GORASP2: variants seen among roughly 807,000 people sequenced by gnomAD.
GORASP2 encodes the protein Golgi reassembly-stacking protein 2.
GORASP2 carries 22 observed loss-of-function variants against 45.7 expected under a neutral mutation model. The ratio of observed to expected loss-of-function variants is 0.48; its 90% CI spans 0.34 to 0.69. The LOEUF (loss-of-function observed/expected upper bound fraction) is 0.69. GORASP2 is among the 30% of genes least tolerant of loss of function. The pLI is 0.01. For synonymous variants in GORASP2, 221 were observed against 215.6 expected (o/e 1.02, Z -0.22); for missense variants, 491 against 562.7 (o/e 0.87, Z 1.29).
At chr2:170,945,038 G>A (rs1021947562) in intron 1 of GORASP2, among the ~76,000 whole-genome samples, 2 of 152,052 alleles carry the variant, frequency 1.3e-5, no homozygotes, top group African/African-American at 4.8e-5. Context: ...CACTTTTCTT[G>A]TGACTCCAGG....
chr2:170,952,921 C>T (rs1704332570), intron 5 of GORASP2, among the ~76,000 whole-genome samples: 1 of 152,198 alleles, frequency 6.6e-6, no homozygotes, highest in Non-Finnish European at 1.5e-5. Context: ...AGCAATCTTC[C>T]CACCTTGGCC....
At chr2:170,934,791 G>A (rs1189620867) in intron 1 of GORASP2, among the ~76,000 whole-genome samples, 2 of 151,934 alleles carry the variant, frequency 1.3e-5, no homozygotes. Context: ...CGGCTGGAGT[G>A]CAGTTGTGCA....
chr2:170,948,688 A>G (rs1704231375), intron 2 of GORASP2: 1 of 240,646 alleles, frequency 4.2e-6, no homozygotes, highest in Non-Finnish European at 7.8e-6. Flanking sequence ...AAGCAGAAAG[A>G]AATAATTAAG....
chr2:170,936,759 G>T (rs562066345), intron 1 of GORASP2: 6 of 604,274 alleles, frequency 9.9e-6, no homozygotes, highest in South Asian at 1.5e-5. Flanking sequence ...TTAAGACCAC[G>T]CTGGGCAACA....
Position 170,962,890 on chromosome 2 carries a change from A to G in GORASP2, c.962A>G (p.Asn321Ser), listed in dbSNP as rs544491938. 5 of 1,613,382 alleles carry G rather than the reference A, an allele frequency of 3.1e-6. No individual in the cohort carries two copies. Among genetic ancestry groups the G allele is most frequent in the South Asian group, 2.2e-5 (2 of 91,012 alleles). Reference protein sequence around the residue: ...GLPNLPNLNLNLPAPHIMPGV... With the variant: ...GLPNLPNLNLSLPAPHIMPGV... Reference sequence around the variant, plus strand: ...CCCAACCTCCCCAACCTCAACCTCAACCTCCCAGCACCACACATCATGCCA... The same window carrying G: ...CCCAACCTCCCCAACCTCAACCTCAGCCTCCCAGCACCACACATCATGCCA... Residue 321 changes from asparagine to serine, a missense_variant, in exon 9 of 10, where the codon AAC (asparagine) becomes AGC (serine). Asn to Ser is a conservative substitution (Grantham distance 46). This residue lies in a region of GORASP2 where 297 missense variants were observed against 292.3 expected (regional missense o/e 1.02). Transcript: ENST00000234160.
Position 170,942,419 on chromosome 2 carries a change from C to G in GORASP2, c.64-5931C>G, listed in dbSNP as rs1000250333. Among the ~76,000 whole-genome samples, 41 of 152,148 alleles carry G rather than the reference C, an allele frequency of 2.7e-4. 1 individual carries two copies. ...ACAACCCCTCATAACAACTAATCTG[C>G]TTTCTGTCTCTATGGATTTGTCTAT... On this transcript the variant is annotated intron_variant, in intron 1 of 9. Transcript: ENST00000234160.
rs1367027696 is a variant in GORASP2, at chr2:170,954,565, G to T, written c.567-85G>T. ...AGGGCAACTTGAATCTATGCTCTTG[G>T]GTTACCCGCCCCCCCCAAAAAAAAC... On this transcript the variant is annotated intron_variant, in intron 5 of 9. Transcript: ENST00000234160. The T allele has an allele frequency of 6.3e-6, 7 of 1,119,098 alleles. No homozygotes were observed. In the East Asian group the frequency reaches 1.5e-4, roughly 24 times the overall value. The allele number at this position is 1,119,098 out of a possible 1,614,324, so 69.3% of individuals were successfully genotyped here. A position where few individuals can be genotyped will look rare whatever the true frequency, so the allele number is the denominator to read the frequency against.
At position 170,963,523 on chromosome 2, in the gene GORASP2, A is replaced by G. The variant is rs558934281; in HGVS notation, c.1018+577A>G. Among the ~76,000 whole-genome samples, 457 of 110,332 alleles carry G rather than the reference A, an allele frequency of 4.1e-3. 6 individuals carry two copies. The highest frequency in any genetic ancestry group is 0.015 in the African/African-American group (429 of 28,422). The allele number at this position is 110,332 out of a possible 152,430, so 72.4% of individuals were successfully genotyped here. A position where few individuals can be genotyped will look rare whatever the true frequency, so the allele number is the denominator to read the frequency against. On this transcript the variant is annotated intron_variant, in intron 9 of 9. Coordinates refer to ENST00000234160, the MANE Select transcript of GORASP2 (RefSeq NM_015530.5). ...CCCCGCCCCAGAGTAGCAGTAAAGC[A>G]CAGTGGAGTGGCCCTGCTGCACTGA... is the stretch of plus-strand genomic sequence containing the variant.
chr2:170,934,924 G>C (rs1703912811), intron 1 of GORASP2, among the ~76,000 whole-genome samples: 2 of 152,038 alleles, frequency 1.3e-5, no homozygotes, highest in Admixed American at 1.3e-4. Flanking sequence ...TTTTAGTAGA[G>C]ATGGGCTTTC....
Position 170,965,984 on chromosome 2 carries a change from G to T in GORASP2, c.1213G>T (p.Asp405Tyr), listed in dbSNP as rs761313881. The T allele has an allele frequency of 2.5e-6, 4 of 1,613,792 alleles. No homozygotes were observed. In the Admixed American group the frequency reaches 6.7e-5, roughly 27 times the overall value. ...CCCTGCCACAACTACTGCAAAGGCA[G>T]ACGCTGCCTCCTCACTCACTGTGGA... is the stretch of plus-strand genomic sequence containing the variant. The part of the protein sequence containing the change: ...SDPATTTAKA[D>Y]AASSLTVDVT... Residue 405 changes from aspartate to tyrosine, a missense_variant, in exon 10 of 10, where the codon GAC (aspartate) becomes TAC (tyrosine). This residue lies in a region of GORASP2 where 297 missense variants were observed against 292.3 expected (regional missense o/e 1.02). Coordinates refer to ENST00000234160, the MANE Select transcript of GORASP2 (RefSeq NM_015530.5).
chr2:170,929,664 G>C, intron 1 of GORASP2: 1 of 613,626 alleles, frequency 1.6e-6, no homozygotes, highest in Non-Finnish European at 3.1e-6. Flanking sequence ...CGGCCAGGGG[G>C]CGGCCCTGGG....
In GORASP2 at chr2:170,950,336, C is replaced by A. The variant is rs781218392; in HGVS notation, c.435+46C>A. On this transcript the variant is annotated intron_variant, in intron 4 of 9. Coordinates refer to ENST00000234160, the MANE Select transcript of GORASP2 (RefSeq NM_015530.5). ...TAGTGAGAACTATATAAAATTTTCT[C>A]ATTGAGGTTTGAGTTGAGAAAGATA... is the stretch of plus-strand genomic sequence containing the variant. 1.3e-5 allele frequency: 12 copies of A among 941,036 alleles called. 1 individual carries two copies. The South Asian group carries it at 1.8e-4, about 14-fold the overall frequency. 58.3% of individuals were successfully genotyped at this position (941,036 alleles called of 1,614,324 possible). A position where few individuals can be genotyped will look rare whatever the true frequency, so the allele number is the denominator to read the frequency against.
chr2:170,949,910 A>G (rs1313850770), intron 3 of GORASP2, 168 bp downstream of exon 3: 1 of 602,448 alleles, frequency 1.7e-6, no homozygotes, highest in African/African-American at 1.9e-5. Flanking sequence ...TTTTTTTTTA[A>G]GTTGAGGAAG....
intron 1 of GORASP2, chr2:170,936,751 A>C (rs1255939004): frequency 1.5e-6 from 1 of 686,034 alleles, no homozygotes; most frequent in South Asian, 1.5e-5. Context: ...CCAAGAGTTT[A>C]AGACCACGCT....
intron 6 of GORASP2, 64 bp from the exon 7 acceptor site, chr2:170,956,372 A>G (rs983963063): frequency 1.4e-6 from 2 of 1,430,828 alleles, no homozygotes; most frequent in African/African-American, 1.4e-5. Context: ...GTAAGAGCCA[A>G]TATTTATATT....
chr2:170,952,104 T>G (rs1704312553), intron 5 of GORASP2, among the ~76,000 whole-genome samples: 1 of 152,242 alleles, frequency 6.6e-6, no homozygotes, highest in African/African-American at 2.4e-5. Context: ...GAAGCTGCTA[T>G]ATTTGAATGA....
At chr2:170,946,005 A>AT (rs1043816259) in intron 1 of GORASP2, among the ~76,000 whole-genome samples, 17 of 151,428 alleles carry the variant, frequency 1.1e-4, no homozygotes, top group Admixed American at 3.3e-4. Flanking sequence ...TGTGGAATAG[A>AT]TTTTTTTTTG....
intron 1 of GORASP2, among the ~76,000 whole-genome samples, chr2:170,934,802 A>T (rs568626392): frequency 6.6e-6 from 1 of 151,764 alleles, no homozygotes; most frequent in East Asian, 1.9e-4. Flanking sequence ...CAGTTGTGCA[A>T]TCTCAGCTCA....
In GORASP2 at chr2:170,929,293, G is replaced by C; in HGVS notation, c.-48G>C. The C allele has an allele frequency of 1.5e-6, 2 of 1,309,238 alleles. No individual in the cohort carries two copies. Among genetic ancestry groups the C allele is most frequent in the Non-Finnish European group, 2.0e-6 (2 of 1,021,990 alleles). The allele number at this position is 1,309,238 out of a possible 1,614,324, so 81.1% of individuals were successfully genotyped here. ...GATTAGAGCAGGCGGTGCGCTGGGG[G>C]CGGGAGCAGCGCGGAGCCCGGCTCG... On this transcript the variant is annotated 5_prime_UTR_variant, in exon 1 of 10. Coordinates refer to ENST00000234160, the MANE Select transcript of GORASP2 (RefSeq NM_015530.5).
Sources: allele counts gnomAD v4.1 joint callset (sites outside exome capture counted in the v4.1 genomes callset), GRCh38; gene constraint gnomAD v4.1.1; regional missense constraint gnomAD v4.1.1; transcripts MANE v1.5; gene names NCBI Gene and HGNC (gene_info 2026-07-23, HGNC 2026-07-21).